SRGAP1: variants seen among roughly 807,000 people sequenced by gnomAD.
SRGAP1 encodes the protein SLIT-ROBO Rho GTPase-activating protein 1.
Under a neutral mutation model 121.9 loss-of-function variants are expected in SRGAP1, and 43 were observed. That is an observed-to-expected ratio of 0.35 (90% CI 0.28 to 0.46). SRGAP1 has a LOEUF of 0.46. SRGAP1 is among the 20% of genes least tolerant of loss of function. The probability of loss-of-function intolerance (pLI) is 1.00; values close to 1 mark genes in which losing one functional copy is unlikely to be tolerated. For missense variants in SRGAP1, 1,102 were observed against 1,350.9 expected (o/e 0.82, Z 2.89); for synonymous variants, 447 against 485.4 (o/e 0.92, Z 1.04).
chr12:64,106,767 G>A (rs1009856522), intron 15 of SRGAP1, among the ~76,000 whole-genome samples: 6 of 152,144 alleles, frequency 3.9e-5, no homozygotes, highest in African/African-American at 1.4e-4. Context: ...CATTGCCTGG[G>A]AAGTATGTTA....
intron 2 of SRGAP1, 68 bp downstream of exon 2, chr12:63,984,210 A>G: frequency 2.2e-6 from 2 of 900,072 alleles, no homozygotes; most frequent in Non-Finnish European, 3.1e-6. Flanking sequence ...ACCTTTGTGG[A>G]TTTTTTATTT....
At chr12:64,106,032 G>A (rs1487029417) in intron 15 of SRGAP1, among the ~76,000 whole-genome samples, 3 of 152,068 alleles carry the variant, frequency 2.0e-5, no homozygotes, top group Non-Finnish European at 4.4e-5. Context: ...ATTATTAATT[G>A]TTTTAGAGAC....
chr12:63,864,356 G>A (rs80264223), intron 1 of SRGAP1, among the ~76,000 whole-genome samples: 5,377 of 152,152 alleles, frequency 0.035, 147 homozygotes, highest in Middle Eastern at 0.085. Flanking sequence ...ATAATACCAC[G>A]TCCCATTTTC....
intron 3 of SRGAP1, among the ~76,000 whole-genome samples, chr12:63,990,327 A>T (rs1230489494): frequency 1.3e-5 from 2 of 152,116 alleles, no homozygotes; most frequent in Non-Finnish European, 2.9e-5. Flanking sequence ...AGGCCAAGAG[A>T]TCGAGACCAT....
intron 3 of SRGAP1, among the ~76,000 whole-genome samples, chr12:64,003,037 A>G: frequency 7.4e-6 from 1 of 134,304 alleles, no homozygotes; most frequent in East Asian, 2.4e-4. Flanking sequence ...AGAGAGAGAG[A>G]GAGAGAGAGA....
At chr12:64,056,123 C>G (rs1010578516) in intron 6 of SRGAP1, among the ~76,000 whole-genome samples, 1 of 152,072 alleles carries the variant, frequency 6.6e-6, no homozygotes, top group African/African-American at 2.4e-5. Flanking sequence ...CGCTAAAAAC[C>G]AGTTCTCTTG....
chr12:63,937,871 G>A lies in SRGAP1; in HGVS notation c.68-46076G>A, dbSNP rs543047457. Among the ~76,000 whole-genome samples, 14 of 152,204 alleles carry A rather than the reference G, an allele frequency of 9.2e-5. No individual in the cohort carries two copies. The South Asian group carries it at 1.0e-3, about 11-fold the overall frequency. On this transcript the variant is annotated intron_variant, in intron 1 of 21. Transcript: ENST00000355086. ...AGTCTTTGTTTTTTCCTGGTATTGC[G>A]TGCCCCTTCACAGCATGTGGAAACA...
Position 64,039,769 on chromosome 12 carries a change from G to T in SRGAP1, c.490-3021G>T, listed in dbSNP as rs183973463. Among the ~76,000 whole-genome samples the T allele has an allele frequency of 3.7e-4, 56 of 152,198 alleles. No individual in the cohort carries two copies. In the East Asian group the frequency reaches 0.011, roughly 29 times the overall value. On this transcript the variant is annotated intron_variant, in intron 4 of 21. Transcript: ENST00000355086. ...AGCCAAGCCTAGAAAGAAATGCAAG[G>T]TGTGTGTAGATTCGTTGACCTTTTG...
intron 6 of SRGAP1, among the ~76,000 whole-genome samples, chr12:64,050,375 A>G (rs550190577): frequency 5.8e-4 from 88 of 152,200 alleles, no homozygotes; most frequent in South Asian, 1.2e-3. Context: ...CTCTTCTCTG[A>G]TTCCACTATC....
Position 64,044,674 on chromosome 12 carries a change from CTTTTTT to C in SRGAP1, c.801+1119_801+1124del, listed in dbSNP as rs558248193. Among the ~76,000 whole-genome samples the C allele has an allele frequency of 9.9e-3, 711 of 72,116 alleles. 17 individuals carry two copies. Among genetic ancestry groups the C allele is most frequent in the Middle Eastern group, 0.016 (2 of 124 alleles). 47.3% of individuals were successfully genotyped at this position (72,116 alleles called of 152,430 possible). On this transcript the variant is annotated intron_variant, in intron 6 of 21. Transcript: ENST00000355086. ...AGCTTATTAACACTCTGATGTGCCT[CTTTTTT>C]TTTTTTTTTTTTTTTTTTTAAGACA...
rs977462325 is a variant in SRGAP1 at position 64,052,527 on chromosome 12, C to T, written c.801+8952C>T. ...CCAAGATTGCGCCATTGTACTCCAG[C>T]CTAGGCGACAAGAAGAAAAGTCAGT... On this transcript the variant is annotated intron_variant, in intron 6 of 21. Transcript: ENST00000355086. 2.0e-5 allele frequency among the ~76,000 whole-genome samples: 3 copies of T among 151,226 alleles called. No homozygotes were observed. In the South Asian group the frequency reaches 6.3e-4, roughly 32 times the overall value.
At chr12:63,939,492 C>A (rs772175226) in intron 1 of SRGAP1, among the ~76,000 whole-genome samples, 2 of 151,668 alleles carry the variant, frequency 1.3e-5, no homozygotes, top group Non-Finnish European at 1.5e-5. Flanking sequence ...ATGGAAGACC[C>A]GAAAGAAAGG....
chr12:63,870,533 ATTTTTT>A (rs1216674448), intron 1 of SRGAP1, among the ~76,000 whole-genome samples: 1 of 100,808 alleles, frequency 9.9e-6, no homozygotes, highest in Non-Finnish European at 2.0e-5. Flanking sequence ...CCCTATCTTG[ATTTTTT>A]TTTTTTTTTT....
chr12:63,875,993 G>C (rs567879120), intron 1 of SRGAP1, among the ~76,000 whole-genome samples: 1 of 152,294 alleles, frequency 6.6e-6, no homozygotes, highest in Admixed American at 6.5e-5. Flanking sequence ...CTCTGTGACA[G>C]CTTTGCTGAA....
At chr12:64,048,892 C>G (rs567927995) in intron 6 of SRGAP1, among the ~76,000 whole-genome samples, 1 of 152,210 alleles carries the variant, frequency 6.6e-6, no homozygotes, top group South Asian at 2.1e-4. Context: ...CTTATATGCT[C>G]TGGTTATTTA....
intron 4 of SRGAP1, among the ~76,000 whole-genome samples, chr12:64,019,075 G>A (rs2034480633): frequency 6.6e-6 from 1 of 152,068 alleles, no homozygotes; most frequent in South Asian, 2.1e-4. Flanking sequence ...TGCCATCTTG[G>A]GTTAGAGCCT....
chr12:64,137,959 A>ATAT (rs1176572330), intron 21 of SRGAP1, among the ~76,000 whole-genome samples: 22 of 133,628 alleles, frequency 1.6e-4, no homozygotes, highest in Middle Eastern at 4.1e-3. Flanking sequence ...GCTTAAAAAA[A>ATAT]AAATATATAT....
chr12:64,102,419 C>G (rs76822627), intron 15 of SRGAP1, among the ~76,000 whole-genome samples: 2,028 of 152,266 alleles, frequency 0.013, 45 homozygotes, highest in African/African-American at 0.046. Flanking sequence ...TTCTCATACT[C>G]TACAATTCAT....
intron 1 of SRGAP1, among the ~76,000 whole-genome samples, chr12:63,971,938 C>CT (rs2032961244): frequency 6.6e-6 from 1 of 152,122 alleles, no homozygotes; most frequent in African/African-American, 2.4e-5. Context: ...CTCTGGCTTC[C>CT]TTTTTTCAGC....
Sources: allele counts gnomAD v4.1 joint callset (sites outside exome capture counted in the v4.1 genomes callset), GRCh38; gene constraint gnomAD v4.1.1; transcripts MANE v1.5; gene names NCBI Gene and HGNC (gene_info 2026-07-23, HGNC 2026-07-21).